The following DLG2 variants were observed in gnomAD, a reference collection of about 807,000 sequenced individuals.
The protein encoded by DLG2 is disks large homolog 2.
A neutral mutation model predicts 132.5 loss-of-function variants in DLG2; 45 were observed. The ratio of observed to expected loss-of-function variants is 0.34; its 90% CI spans 0.27 to 0.44. The LOEUF (loss-of-function observed/expected upper bound fraction) is 0.44. Among genes scored for constraint, DLG2 ranks in the 20% least tolerant of loss-of-function variants. DLG2 has a pLI of 1.00. For missense variants in DLG2, 1,045 were observed against 1,196.9 expected (o/e 0.87, Z 1.87); for synonymous variants, 424 against 419.6 (o/e 1.01, Z -0.13).
intron 18 of DLG2, among the ~76,000 whole-genome samples, chr11:83,649,104 C>CT (rs2069202555): frequency 6.6e-6 from 1 of 152,072 alleles, no homozygotes; most frequent in Admixed American, 6.6e-5. Context: ...GGGAGATGGA[C>CT]TGCTCAATAG....
chr11:84,259,282 G>A (rs1598518736), intron 7 of DLG2, among the ~76,000 whole-genome samples: 1 of 126,832 alleles, frequency 7.9e-6, no homozygotes, highest in Admixed American at 8.4e-5. Flanking sequence ...AAAAAAAAAG[G>A]TTCTTAGGTT....
At chr11:83,856,168 CT>C (rs527723914) in intron 16 of DLG2, among the ~76,000 whole-genome samples, 1,572 of 152,068 alleles carry the variant, frequency 0.01, 19 homozygotes, top group Middle Eastern at 0.024. Flanking sequence ...ACATAATCTC[CT>C]TTTTTTTATG....
intron 3 of DLG2, among the ~76,000 whole-genome samples, chr11:85,314,098 A>G (rs145998644): frequency 6.6e-6 from 1 of 152,158 alleles, no homozygotes; most frequent in East Asian, 1.9e-4. Context: ...TGATGTTATT[A>G]TATTTATTCA....
chr11:85,556,131 G>C (rs2076930949), intron 3 of DLG2, among the ~76,000 whole-genome samples: 1 of 151,796 alleles, frequency 6.6e-6, no homozygotes, highest in African/African-American at 2.4e-5. Context: ...AGATATTGTT[G>C]AAATTGGCAT....
intron 18 of DLG2, among the ~76,000 whole-genome samples, chr11:83,779,275 CTG>C (rs902989139): frequency 2.9e-4 from 44 of 152,006 alleles, no homozygotes; most frequent in African/African-American, 1.0e-3. Context: ...AAGAGAAAAA[CTG>C]TAATATATTT....
At chr11:83,795,439 C>CTG (rs2042579876) in intron 17 of DLG2, among the ~76,000 whole-genome samples, 1 of 79,416 alleles carries the variant, frequency 1.3e-5, no homozygotes, top group Non-Finnish European at 3.0e-5. Flanking sequence ...ATATCTATAT[C>CTG]TATATATCTA....
At chr11:84,684,279 G>T (rs2099736108) in intron 6 of DLG2, among the ~76,000 whole-genome samples, 2 of 152,044 alleles carry the variant, frequency 1.3e-5, no homozygotes, top group African/African-American at 4.8e-5. Flanking sequence ...GTCTTTCCTT[G>T]AGTGCTAATT....
intron 17 of DLG2, among the ~76,000 whole-genome samples, chr11:83,803,663 T>A (rs1454822421): frequency 6.6e-6 from 1 of 152,202 alleles, no homozygotes; most frequent in Non-Finnish European, 1.5e-5. Flanking sequence ...TGGTTTAGTT[T>A]ACATAAACTA....
chr11:84,225,218 G>A (rs1047135606), intron 8 of DLG2, among the ~76,000 whole-genome samples: 1 of 152,086 alleles, frequency 6.6e-6, no homozygotes, highest in African/African-American at 2.4e-5. Flanking sequence ...ATACATTAAT[G>A]GATTATTAAT....
At chr11:85,159,272 G>C (rs183224947) in intron 4 of DLG2, among the ~76,000 whole-genome samples, 68 of 152,218 alleles carry the variant, frequency 4.5e-4, no homozygotes, top group Non-Finnish European at 8.8e-4. Flanking sequence ...AGTGTATCCG[G>C]ACTCATCCTG....
At chr11:84,942,715 T>G (rs1457367343) in intron 6 of DLG2, among the ~76,000 whole-genome samples, 1 of 152,200 alleles carries the variant, frequency 6.6e-6, no homozygotes, top group Non-Finnish European at 1.5e-5. Flanking sequence ...GGGGGAACTG[T>G]TCTGTAAACG....
chr11:84,786,517 A>G (rs1195789369), intron 6 of DLG2, among the ~76,000 whole-genome samples: 1 of 152,216 alleles, frequency 6.6e-6, no homozygotes, highest in South Asian at 2.1e-4. Flanking sequence ...GATCACTTTT[A>G]TAACAAGCTT....
intron 6 of DLG2, among the ~76,000 whole-genome samples, chr11:84,777,448 C>G (rs2070867870): frequency 6.6e-6 from 1 of 150,852 alleles, no homozygotes; most frequent in South Asian, 2.1e-4. Flanking sequence ...GATTTCTTCT[C>G]CTCTGAGCAG....
chr11:84,394,756 G>C (rs1243607380), intron 7 of DLG2, among the ~76,000 whole-genome samples: 1 of 151,956 alleles, frequency 6.6e-6, no homozygotes, highest in Admixed American at 6.6e-5. Context: ...TAAGTAGCTG[G>C]GATTACAGGT....
chr11:83,476,797 G>A (rs546761214), intron 22 of DLG2, among the ~76,000 whole-genome samples: 13 of 152,164 alleles, frequency 8.5e-5, no homozygotes, highest in African/African-American at 2.4e-4. Context: ...TTGGAGCTTC[G>A]GCTTCCTCAT....
At chr11:84,426,255 G>T (rs1053320386) in intron 7 of DLG2, among the ~76,000 whole-genome samples, 5 of 152,054 alleles carry the variant, frequency 3.3e-5, no homozygotes, top group African/African-American at 1.2e-4. Context: ...GAATATCTAG[G>T]TTCAAATCCC....
At chr11:84,191,364 C>T (rs1404683977) in intron 8 of DLG2, among the ~76,000 whole-genome samples, 2 of 152,154 alleles carry the variant, frequency 1.3e-5, no homozygotes, top group African/African-American at 4.8e-5. Flanking sequence ...CTGTATATGA[C>T]TTTAACTGGC....
intron 4 of DLG2, among the ~76,000 whole-genome samples, chr11:85,233,937 C>A (rs2152655040): frequency 6.6e-6 from 1 of 151,840 alleles, no homozygotes; most frequent in Admixed American, 6.6e-5. Context: ...ATTAGCTTGG[C>A]AATTTTAAAG....
chr11:85,456,685 CA>C (rs1367415487), intron 3 of DLG2, among the ~76,000 whole-genome samples: 1 of 152,130 alleles, frequency 6.6e-6, no homozygotes, highest in Admixed American at 6.6e-5. Flanking sequence ...TTCATTTGGT[CA>C]AAGAATTTCT....
Sources: gnomAD v4.1 joint callset for allele counts (sites outside exome capture counted in the v4.1 genomes callset) on GRCh38, gnomAD v4.1.1 for gene constraint, MANE v1.5 for transcripts, NCBI Gene and HGNC (gene_info 2026-07-23, HGNC 2026-07-21) for gene names.